Variants in TMEM135 observed in about 807,000 individuals in gnomAD.
TMEM135 encodes peroxisomal membrane protein 52.
A neutral mutation model predicts 60.3 loss-of-function variants in TMEM135; 30 were observed. The observed-to-expected ratio is 0.50, with a 90% CI of 0.37 to 0.68. The LOEUF is 0.68. Ranked by LOEUF, TMEM135 falls within the 30% of genes least tolerant of loss-of-function variation. TMEM135 has a pLI of 0.00. For synonymous variants in TMEM135, 190 were observed against 186.7 expected (o/e 1.02, Z -0.14); for missense variants, 468 against 548.8 (o/e 0.85, Z 1.47).
intron 6 of TMEM135, among the ~76,000 whole-genome samples, chr11:87,240,842 C>T (rs1370107381): frequency 6.6e-6 from 1 of 152,022 alleles, no homozygotes; most frequent in East Asian, 1.9e-4. Context: ...TTCCACATCC[C>T]TTTGCAAAAG....
intron 5 of TMEM135, among the ~76,000 whole-genome samples, chr11:87,182,189 T>G (rs983952184): frequency 6.6e-6 from 1 of 152,240 alleles, no homozygotes; most frequent in African/African-American, 2.4e-5. Flanking sequence ...TGTACGTTTT[T>G]TAGTTTTTAT....
chr11:87,082,796 T>C (rs568049725), intron 3 of TMEM135, among the ~76,000 whole-genome samples: 2 of 152,314 alleles, frequency 1.3e-5, no homozygotes, highest in African/African-American at 4.8e-5. Flanking sequence ...AAGAAACATA[T>C]TGTGATGACT....
At chr11:87,093,006 A>G (rs1450100629) in intron 4 of TMEM135, among the ~76,000 whole-genome samples, 1 of 152,114 alleles carries the variant, frequency 6.6e-6, no homozygotes, top group African/African-American at 2.4e-5. Flanking sequence ...ATTCTTATCC[A>G]TCCCCTCTTT....
At chr11:87,042,475 T>C (rs1309118131) in intron 1 of TMEM135, among the ~76,000 whole-genome samples, 1 of 152,184 alleles carries the variant, frequency 6.6e-6, no homozygotes, top group East Asian at 1.9e-4. Context: ...GGTTTTGGTT[T>C]TTATGACCTG....
At chr11:87,161,032 T>G (rs973978560) in intron 5 of TMEM135, among the ~76,000 whole-genome samples, 6 of 152,288 alleles carry the variant, frequency 3.9e-5, no homozygotes, top group Admixed American at 3.9e-4. Context: ...CCTGAGTAGT[T>G]GGGACCACAT....
intron 5 of TMEM135, among the ~76,000 whole-genome samples, chr11:87,230,922 C>T (rs763998282): frequency 5.9e-5 from 9 of 151,702 alleles, no homozygotes; most frequent in East Asian, 1.9e-4. Context: ...ATTTGATACC[C>T]GTGATAGATT....
At chr11:87,066,327 T>C (rs1183365386) in intron 1 of TMEM135, among the ~76,000 whole-genome samples, 2 of 152,204 alleles carry the variant, frequency 1.3e-5, no homozygotes, top group Non-Finnish European at 2.9e-5. Context: ...TCAGCTCATA[T>C]CCCGTTCTCC....
intron 4 of TMEM135, among the ~76,000 whole-genome samples, chr11:87,120,116 CT>C (rs57519689): frequency 0.026 from 2,947 of 112,774 alleles, 47 homozygotes; most frequent in South Asian, 0.049. Context: ...TCTTCTTCTT[CT>C]TTTTTTTTTT....
At chr11:87,178,818 TA>T (rs1308678174) in intron 5 of TMEM135, among the ~76,000 whole-genome samples, 1 of 152,172 alleles carries the variant, frequency 6.6e-6, no homozygotes, top group Non-Finnish European at 1.5e-5. Flanking sequence ...ACATTTTGTT[TA>T]TGGACATATT....
intron 5 of TMEM135, among the ~76,000 whole-genome samples, chr11:87,186,940 C>T (rs1240122390): frequency 2.0e-5 from 3 of 152,082 alleles, no homozygotes; most frequent in African/African-American, 7.2e-5. Flanking sequence ...ATAGGGGATA[C>T]ACTAGAAAAT....
intron 9 of TMEM135, among the ~76,000 whole-genome samples, chr11:87,306,578 AC>A (rs1942547312): frequency 6.6e-6 from 1 of 152,090 alleles, no homozygotes; most frequent in Admixed American, 6.6e-5. Context: ...GGACTTGAGT[AC>A]TAGTGTGTCT....
At chr11:87,105,587 T>G (rs1857574851) in intron 4 of TMEM135, among the ~76,000 whole-genome samples, 1 of 152,200 alleles carries the variant, frequency 6.6e-6, no homozygotes, top group Admixed American at 6.5e-5. Context: ...CACTTGATCA[T>G]GGTGAAAGAT....
At chr11:87,181,954 CT>C (rs537991762) in intron 5 of TMEM135, among the ~76,000 whole-genome samples, 101 of 137,796 alleles carry the variant, frequency 7.3e-4, no homozygotes, top group Middle Eastern at 3.9e-3. Flanking sequence ...ATGAGGGTGG[CT>C]TTTTTTTTTT....
At chr11:87,070,727 G>T (rs1856759841) in intron 2 of TMEM135, among the ~76,000 whole-genome samples, 1 of 152,060 alleles carries the variant, frequency 6.6e-6, no homozygotes, top group Non-Finnish European at 1.5e-5. Context: ...GCACTGTGAG[G>T]ATTCCTACTT....
intron 5 of TMEM135, among the ~76,000 whole-genome samples, chr11:87,189,775 A>AAAAAAAAAAAAAAAAT (rs1939752914): frequency 6.6e-6 from 1 of 150,712 alleles, no homozygotes. Context: ...AAAAAAAAAA[A>AAAAAAAAAAAAAAAAT]TTGACCGGGC....
At chr11:87,172,064 C>T (rs1156881650) in intron 5 of TMEM135, among the ~76,000 whole-genome samples, 1 of 152,044 alleles carries the variant, frequency 6.6e-6, no homozygotes, top group African/African-American at 2.4e-5. Context: ...TTAATTAAGC[C>T]TTTAAAGTTG....
chr11:87,241,627 T>A (rs1415611328), intron 6 of TMEM135, among the ~76,000 whole-genome samples: 2 of 152,064 alleles, frequency 1.3e-5, no homozygotes, highest in Admixed American at 1.3e-4. Flanking sequence ...ATTTTTGTAC[T>A]CATTAACAAA....
chr11:87,150,618 A>G (rs1441279373), intron 4 of TMEM135, among the ~76,000 whole-genome samples: 1 of 152,164 alleles, frequency 6.6e-6, no homozygotes, highest in African/African-American at 2.4e-5. Context: ...TGTTTTTTTC[A>G]TAGTTAATAA....
At chr11:87,284,593 T>C (rs1591168006) in intron 6 of TMEM135, among the ~76,000 whole-genome samples, 1 of 152,220 alleles carries the variant, frequency 6.6e-6, no homozygotes, top group Non-Finnish European at 1.5e-5. Context: ...TTGCTTGGGC[T>C]CTTGAAGACA....
Sources: gnomAD v4.1 joint callset for allele counts (sites outside exome capture counted in the v4.1 genomes callset) on GRCh38, gnomAD v4.1.1 for gene constraint, MANE v1.5 for transcripts, NCBI Gene and HGNC (gene_info 2026-07-23, HGNC 2026-07-21) for gene names.